Variants in PCCB observed in about 807,000 individuals in gnomAD.
The protein encoded by PCCB is propionyl-CoA carboxylase subunit beta, also known as propionyl-CoA carboxylase beta chain, mitochondrial.
PCCB carries 43 observed loss-of-function variants against 60.7 expected under a neutral mutation model. The ratio of observed to expected loss-of-function variants is 0.71; its 90% confidence interval spans 0.55 to 0.91. The LOEUF (loss-of-function observed/expected upper bound fraction) is 0.91, where lower values mean the gene tolerates loss of function less well. PCCB is among the 40% of genes least tolerant of loss of function. PCCB has a pLI of 0.00. For missense variants in PCCB, 766 were observed against 702.8 expected, an observed-to-expected ratio of 1.09 and a Z score of -1.02; for synonymous variants, 276 against 255.9, an observed-to-expected ratio of 1.08 and a Z score of -0.75.
At position 136,327,702 on chromosome 3, in the gene PCCB, C is replaced by T. The variant is rs776005238; in HGVS notation, c.1368C>T (p.Pro456=). 1.2e-5 allele frequency: 19 copies of T among 1,613,890 alleles called. No homozygotes were observed. Among genetic ancestry groups the T allele is most frequent in the Non-Finnish European group, 1.6e-5 (19 of 1,179,964 alleles). The change falls in exon 13 of 15, where the codon CCC becomes CCT. Residue 456 remains proline (P), a synonymous_variant. Transcript: ENST00000251654. ...HLCGDTNYAW[P]TAEIAVMGAK... ...GTGGTGATACCAACTATGCCTGGCC[C>T]ACCGCAGAGATTGCAGTCATGGGAG...
intron 5 of PCCB, among the ~76,000 whole-genome samples, chr3:136,268,053 T>G: frequency 9.8e-6 from 1 of 101,992 alleles, no homozygotes; most frequent in Admixed American, 1.2e-4. Context: ...CTGGCTAGTG[T>G]GTGTGTGTGT....
chr3:136,265,475 G>A (rs1002180577), intron 5 of PCCB, among the ~76,000 whole-genome samples: 1 of 152,078 alleles, frequency 6.6e-6, no homozygotes, highest in Non-Finnish European at 1.5e-5. Context: ...ATTGTAATAT[G>A]TATCAGTTTG....
At chr3:136,300,533 C>T (rs1188621755) in intron 8 of PCCB, among the ~76,000 whole-genome samples, 1 of 152,174 alleles carries the variant, frequency 6.6e-6, no homozygotes, top group African/African-American at 2.4e-5. Flanking sequence ...GGTGATTTTG[C>T]CCAGAGGGCC....
intron 9 of PCCB, among the ~76,000 whole-genome samples, chr3:136,310,261 G>T (rs1221726753): frequency 2.6e-5 from 4 of 152,164 alleles, no homozygotes; most frequent in Non-Finnish European, 5.9e-5. Context: ...TACTCGGGAG[G>T]CTGAGGCAGG....
chr3:136,254,518 C>CCTTTT (rs1442788791), intron 1 of PCCB, among the ~76,000 whole-genome samples: 6 of 45,928 alleles, frequency 1.3e-4, no homozygotes, highest in Non-Finnish European at 1.5e-4. Context: ...CTGCGGCTAG[C>CCTTTT]TTTTTTTTTT....
intron 1 of PCCB, among the ~76,000 whole-genome samples, chr3:136,253,082 G>GATTTTTTTTTTTTT (rs1941562687): frequency 1.4e-5 from 1 of 71,500 alleles, no homozygotes; most frequent in Non-Finnish European, 2.4e-5. Flanking sequence ...AGCAATGGAG[G>GATTTTTTTTTTTTT]TTTTTTTTTT....
intron 3 of PCCB, among the ~76,000 whole-genome samples, chr3:136,257,663 G>A (rs975837121): frequency 3.9e-5 from 6 of 152,154 alleles, no homozygotes; most frequent in Non-Finnish European, 7.4e-5. Flanking sequence ...TTGGCTAGGC[G>A]TGGTGGCTCA....
chr3:136,267,805 G>A (rs1942045672), intron 5 of PCCB, among the ~76,000 whole-genome samples: 1 of 152,020 alleles, frequency 6.6e-6, no homozygotes, highest in Admixed American at 6.6e-5. Context: ...CTTTTGAGGT[G>A]GAGAAGTTTT....
chr3:136,283,881 C>G lies in PCCB; in HGVS notation c.588C>G (p.Ile196Met). 6.2e-7 allele frequency: 1 copy of G among 1,613,886 alleles called. No individual in the cohort carries two copies. Among genetic ancestry groups the G allele is most frequent in the Non-Finnish European group, 8.5e-7 (1 of 1,179,832 alleles). Residue 196 changes from isoleucine (I) to methionine (M), a missense_variant, in exon 6 of 15, where the codon ATC (isoleucine) becomes ATG (methionine). Physicochemically the swap from Ile to Met is conservative, Grantham distance 10 (BLOSUM62 1). Transcript: ENST00000251654. ...ASGVIPQISL[I>M]MGPCAGGAVY... ...GAGTCATCCCTCAGATTTCTCTGATCATGGGCCCATGTGCTGGTGGGGCCG... is the reference window on the plus strand; with the variant it reads ...GAGTCATCCCTCAGATTTCTCTGATGATGGGCCCATGTGCTGGTGGGGCCG...
chr3:136,316,352 G>A (rs1301249077), intron 9 of PCCB, among the ~76,000 whole-genome samples: 1 of 151,834 alleles, frequency 6.6e-6, no homozygotes, highest in African/African-American at 2.4e-5. Context: ...ATCTCCCTCC[G>A]TTGCCCAGGC....
At position 136,297,961 on chromosome 3, in the gene PCCB, A is replaced by G; in HGVS notation, c.773A>G (p.His258Arg). The change falls in exon 8 of 15, where the codon CAC becomes CGC. Residue 258 changes from histidine to arginine, a missense_variant. By Grantham distance (29) the His-to-Arg change is conservative. Coordinates refer to ENST00000251654, the MANE Select transcript of PCCB (RefSeq NM_000532.5). ...CTCCCTGTTCTCTTAGGTGTGGCCCACAGAGCTTTTGAAAATGATGTTGAT... is the reference window on the plus strand; with the variant it reads ...CTCCCTGTTCTCTTAGGTGTGGCCCGCAGAGCTTTTGAAAATGATGTTGAT... ...KTHTTMSGVA[H>R]RAFENDVDAL... 1 of 1,614,158 alleles carries G rather than the reference A, an allele frequency of 6.2e-7. No homozygotes were observed. Among genetic ancestry groups the G allele is most frequent in the Non-Finnish European group, 8.5e-7 (1 of 1,179,988 alleles).
At chr3:136,287,577 C>T (rs1325003600) in intron 6 of PCCB, among the ~76,000 whole-genome samples, 1 of 151,952 alleles carries the variant, frequency 6.6e-6, no homozygotes, top group Non-Finnish European at 1.5e-5. Context: ...GGACTACAGG[C>T]GTGTGCCACC....
chr3:136,323,910 A>AT (rs1303510467), intron 10 of PCCB, among the ~76,000 whole-genome samples: 4 of 148,986 alleles, frequency 2.7e-5, no homozygotes, highest in East Asian at 3.9e-4. Context: ...ATACCTTGTG[A>AT]TTTTTTTAAT....
intron 9 of PCCB, among the ~76,000 whole-genome samples, chr3:136,311,140 G>A (rs1934649201): frequency 6.6e-6 from 1 of 152,082 alleles, no homozygotes; most frequent in Non-Finnish European, 1.5e-5. Flanking sequence ...TGTAACGTAG[G>A]TGATATAGTA....
intron 12 of PCCB, 96 bp from the exon 13 acceptor site, chr3:136,327,538 G>T: frequency 3.1e-6 from 3 of 952,938 alleles, no homozygotes; most frequent in East Asian, 2.4e-5. Context: ...GGCTATTCTT[G>T]TTCTTTGTCC....
intron 5 of PCCB, among the ~76,000 whole-genome samples, chr3:136,282,598 C>G (rs1942509183): frequency 6.6e-6 from 1 of 152,176 alleles, no homozygotes; most frequent in East Asian, 1.9e-4. Context: ...TCTCCCCCTT[C>G]ATTTGTGCTT....
chr3:136,263,564 G>A (rs529782808), intron 5 of PCCB, among the ~76,000 whole-genome samples: 185 of 152,094 alleles, frequency 1.2e-3, no homozygotes, highest in African/African-American at 3.9e-3. Context: ...GAGTCACCAC[G>A]CCTGGCTTTT....
At chr3:136,303,942 A>G (rs1487505928) in intron 9 of PCCB, among the ~76,000 whole-genome samples, 1 of 121,408 alleles carries the variant, frequency 8.2e-6, no homozygotes, top group Non-Finnish European at 1.8e-5. Flanking sequence ...GTGCTGCCAT[A>G]AGAAAATACC....
intron 3 of PCCB, among the ~76,000 whole-genome samples, chr3:136,259,897 C>CT (rs1941774915): frequency 2.0e-5 from 3 of 149,454 alleles, no homozygotes; most frequent in Non-Finnish European, 4.5e-5. Context: ...GGATTACAGG[C>CT]ACACACCACC....
Sources: allele counts gnomAD v4.1 joint callset (sites outside exome capture counted in the v4.1 genomes callset), GRCh38; gene constraint gnomAD v4.1.1; transcripts MANE v1.5; gene names NCBI Gene and HGNC (gene_info 2026-07-23, HGNC 2026-07-21).